Variants in DOCK2 observed in about 807,000 individuals in gnomAD.
DOCK2 encodes the protein dedicator of cytokinesis 2, also known as dedicator of cytokinesis protein 2.
DOCK2 carries 87 observed loss-of-function variants against 248.9 expected under a neutral mutation model. The ratio of observed to expected loss-of-function variants is 0.35; its 90% confidence interval spans 0.29 to 0.42. The LOEUF is 0.42. Among genes scored for constraint, DOCK2 ranks in the 10% least tolerant of loss-of-function variants. The probability of loss-of-function intolerance (pLI) is 1.00; values close to 1 mark genes in which losing one functional copy is unlikely to be tolerated. For missense variants in DOCK2, 1,747 were observed against 2,300.2 expected (o/e 0.76, Z 4.92); for synonymous variants, 805 against 821.6 (o/e 0.98, Z 0.35).
chr5:169,907,825 T>C (rs1470920115), intron 27 of DOCK2, among the ~76,000 whole-genome samples: 1 of 152,110 alleles, frequency 6.6e-6, no homozygotes, highest in African/African-American at 2.4e-5. Context: ...TTGCCACAAC[T>C]GGGAGGGGGT....
chr5:170,081,476 C>T lies in DOCK2; in HGVS notation c.5288-366C>T, dbSNP rs1354749064. The stretch of plus-strand genomic sequence containing the variant: ...TTTGAGACTCTCTTCCCGCTGTCTC[C>T]TGCAATGGGGAGAGAAATCCAGGGT... On this transcript the variant is annotated intron_variant, in intron 50 of 51. Transcript: ENST00000520908. 8 of 212,802 alleles carry T rather than the reference C, an allele frequency of 3.8e-5. No individual in the cohort carries two copies. The East Asian group carries it at 9.6e-4, about 25-fold the overall frequency. 13.2% of individuals were successfully genotyped at this position (212,802 alleles called of 1,614,324 possible).
In DOCK2 at chr5:170,003,942, A is replaced by G. The variant is rs556508819; in HGVS notation, c.3073-4555A>G. Among the ~76,000 whole-genome samples, 7 of 152,328 alleles carry G rather than the reference A, an allele frequency of 4.6e-5. No individual in the cohort carries two copies. In the South Asian group the frequency reaches 1.2e-3, roughly 27 times the overall value. ...CCATGGCCAAAACTGGGCAGGGGCT[A>G]TGGGTGAGGTACTTGGATGTGCCAT... On this transcript the variant is annotated intron_variant, in intron 30 of 51. Coordinates refer to ENST00000520908, the MANE Select transcript of DOCK2 (RefSeq NM_004946.3).
At chr5:170,067,989 C>T (rs1212110280) in intron 45 of DOCK2, among the ~76,000 whole-genome samples, 1 of 152,138 alleles carries the variant, frequency 6.6e-6, no homozygotes, top group Non-Finnish European at 1.5e-5. Context: ...AGGAAAGGCT[C>T]TGGGATGAGT....
chr5:169,777,661 T>C (rs1408514340), intron 25 of DOCK2, among the ~76,000 whole-genome samples: 2 of 152,212 alleles, frequency 1.3e-5, no homozygotes, highest in African/African-American at 4.8e-5. Context: ...TTCACCTCTG[T>C]AAGCATCTGA....
chr5:169,873,506 T>C (rs1772116539), intron 27 of DOCK2, among the ~76,000 whole-genome samples: 1 of 152,246 alleles, frequency 6.6e-6, no homozygotes, highest in Non-Finnish European at 1.5e-5. Flanking sequence ...ATAACAGATA[T>C]GCTGTGTGCC....
chr5:169,941,576 G>A (rs1454448040), intron 27 of DOCK2, among the ~76,000 whole-genome samples: 1 of 152,204 alleles, frequency 6.6e-6, no homozygotes, highest in Non-Finnish European at 1.5e-5. Flanking sequence ...GTGATGGAAA[G>A]AAGAACCAAA....
chr5:170,003,465 A>G (rs1754911444), intron 30 of DOCK2, among the ~76,000 whole-genome samples: 1 of 152,270 alleles, frequency 6.6e-6, no homozygotes, highest in African/African-American at 2.4e-5. Flanking sequence ...GGTTGCACAC[A>G]ATAAGTGCTC....
chr5:169,763,862 A>C lies in DOCK2; in HGVS notation c.2554+2237A>C, dbSNP rs1764623380. Among the ~76,000 whole-genome samples the C allele has an allele frequency of 6.6e-6, 1 of 152,342 alleles. No individual in the cohort carries two copies. Among genetic ancestry groups the C allele is most frequent in the African/African-American group, 2.4e-5 (1 of 41,586 alleles). On this transcript the variant is annotated intron_variant, in intron 25 of 51. Transcript: ENST00000520908. This position sits in a 1 kb window ranked among gnomAD's most constrained non-coding sequence, Gnocchi z 4.1. Reference sequence around the variant, plus strand: ...ATTAGTGTAGCCACGCTCGGCTCACATGTGAAAGTCGTATGACCTTATTCA... The same window carrying C: ...ATTAGTGTAGCCACGCTCGGCTCACCTGTGAAAGTCGTATGACCTTATTCA...
chr5:169,910,197 C>T (rs1490942760), intron 27 of DOCK2, among the ~76,000 whole-genome samples: 1 of 152,132 alleles, frequency 6.6e-6, no homozygotes, highest in Non-Finnish European at 1.5e-5. Context: ...CAAGTCTGTC[C>T]ATTTGCAAAG....
chr5:169,727,804 A>G (rs1471215210), intron 22 of DOCK2, among the ~76,000 whole-genome samples: 2 of 152,212 alleles, frequency 1.3e-5, no homozygotes, highest in African/African-American at 4.8e-5. Flanking sequence ...TTTTTCTCCA[A>G]GGAGCAGTTT....
At chr5:169,942,333 A>C (rs1490876276) in intron 27 of DOCK2, among the ~76,000 whole-genome samples, 1 of 152,182 alleles carries the variant, frequency 6.6e-6, no homozygotes, top group Non-Finnish European at 1.5e-5. Context: ...CCCATGGTCT[A>C]ATTAACTTAG....
At chr5:169,643,066 A>T (rs1757238354) in intron 1 of DOCK2, among the ~76,000 whole-genome samples, 1 of 152,158 alleles carries the variant, frequency 6.6e-6, no homozygotes, top group Non-Finnish European at 1.5e-5. Flanking sequence ...CTGGGCGGAG[A>T]CACCACAAAT....
At chr5:170,051,208 C>T (rs1168269364) in intron 41 of DOCK2, among the ~76,000 whole-genome samples, 1 of 152,162 alleles carries the variant, frequency 6.6e-6, no homozygotes, top group African/African-American at 2.4e-5. Context: ...TAGCAGGCTC[C>T]ACAAACTGAA....
At chr5:169,976,554 T>C (rs1319293852) in intron 27 of DOCK2, among the ~76,000 whole-genome samples, 1 of 152,136 alleles carries the variant, frequency 6.6e-6, no homozygotes, top group Admixed American at 6.5e-5. Context: ...CATCTCATCA[T>C]ATACTTTAGA....
intron 27 of DOCK2, among the ~76,000 whole-genome samples, chr5:169,889,216 A>G (rs890760620): frequency 6.6e-5 from 10 of 152,236 alleles, no homozygotes; most frequent in African/African-American, 2.2e-4. Flanking sequence ...TTGCATAACT[A>G]ATTAAGAGTG....
intron 14 of DOCK2, among the ~76,000 whole-genome samples, chr5:169,704,929 A>G (rs1243635708): frequency 6.6e-6 from 1 of 152,166 alleles, no homozygotes; most frequent in Non-Finnish European, 1.5e-5. Context: ...TGGGAGGCCA[A>G]GGGGGGCAGA....
chr5:169,978,996 TC>T (rs1487221234), intron 27 of DOCK2, among the ~76,000 whole-genome samples: 4 of 152,170 alleles, frequency 2.6e-5, no homozygotes, highest in African/African-American at 9.7e-5. Flanking sequence ...TCCCTGGAAT[TC>T]TGTTTTAAGA....
intron 30 of DOCK2, among the ~76,000 whole-genome samples, chr5:170,005,771 G>A (rs1755012793): frequency 6.6e-6 from 1 of 152,066 alleles, no homozygotes; most frequent in African/African-American, 2.4e-5. Flanking sequence ...AATCAGGAAT[G>A]GGATGACAGA....
At chr5:170,052,665 T>C (rs1756960439) in intron 41 of DOCK2, among the ~76,000 whole-genome samples, 3 of 152,240 alleles carry the variant, frequency 2.0e-5, no homozygotes, top group Non-Finnish European at 4.4e-5. Flanking sequence ...CCATGATCTG[T>C]CTGTTTCAAA....
Sources: allele counts gnomAD v4.1 joint callset (sites outside exome capture counted in the v4.1 genomes callset), GRCh38; gene constraint gnomAD v4.1.1; non-coding constraint Gnocchi (gnomAD v3.1); transcripts MANE v1.5; gene names NCBI Gene and HGNC (gene_info 2026-07-23, HGNC 2026-07-21).